The following MOV10L1 variants were observed in gnomAD, a reference collection of about 807,000 sequenced individuals.
MOV10L1 encodes RNA helicase Mov10l1.
Under a neutral mutation model 143.8 loss-of-function variants are expected in MOV10L1, and 110 were observed. The ratio of observed to expected loss-of-function variants is 0.76; its 90% CI spans 0.66 to 0.90. MOV10L1 has a LOEUF of 0.90. Among genes scored for constraint, MOV10L1 ranks in the 40% least tolerant of loss-of-function variants. The pLI is 0.00. For missense variants in MOV10L1, 1,406 were observed against 1,526.8 expected (o/e 0.92, Z 1.32); for synonymous variants, 593 against 581.1 (o/e 1.02, Z -0.29).
At position 50,134,737 on chromosome 22, in the gene MOV10L1, G is replaced by A. The variant is rs184011991; in HGVS notation, c.2070+107G>A. ...GCGTGACTGTCTCTACACAGGGGAT[G>A]GCTCAGCGATGTAACTGTCTACACA... On this transcript the variant is annotated intron_variant, in intron 15 of 26. Coordinates refer to ENST00000262794, the MANE Select transcript of MOV10L1 (RefSeq NM_018995.3). The A allele has an allele frequency of 2.9e-5, 27 of 931,428 alleles. No individual in the cohort carries two copies. The Admixed American group carries it at 3.8e-4, about 13-fold the overall frequency. The allele number at this position is 931,428 out of a possible 1,614,324, so 57.7% of individuals were successfully genotyped here. A position where few individuals can be genotyped will look rare whatever the true frequency, so the allele number is the denominator to read the frequency against.
intron 10 of MOV10L1, among the ~76,000 whole-genome samples, chr22:50,121,768 G>A (rs1016628274): frequency 6.6e-6 from 1 of 152,128 alleles, no homozygotes; most frequent in Admixed American, 6.5e-5. Flanking sequence ...TGGGCTTGGA[G>A]GGTGCTCCTC....
chr22:50,090,319 C>A, intron 1 of MOV10L1, 134 bp downstream of exon 1: 2 of 1,471,228 alleles, frequency 1.4e-6, no homozygotes, highest in Non-Finnish European at 1.8e-6. Flanking sequence ...CTCATCTCCG[C>A]TGGCGGGGAT....
chr22:50,115,024 G>C (rs1254772826), intron 7 of MOV10L1, 90 bp from the exon 8 acceptor site: 7 of 1,365,916 alleles, frequency 5.1e-6, no homozygotes, highest in Non-Finnish European at 6.0e-6. Flanking sequence ...TTGTGTGTGT[G>C]AGAGAGTATT....
chr22:50,090,397 G>A, intron 1 of MOV10L1: 1 of 1,562,514 alleles, frequency 6.4e-7, no homozygotes, highest in Non-Finnish European at 8.7e-7. Flanking sequence ...TCCTCTGTGA[G>A]GTCTCTCCGG....
chr22:50,113,834 T>G, intron 6 of MOV10L1, 46 bp downstream of exon 6: 1 of 1,483,054 alleles, frequency 6.7e-7, no homozygotes, highest in Non-Finnish European at 9.0e-7. Context: ...CATTAATGGC[T>G]TTTACACTAT....
intron 13 of MOV10L1, among the ~76,000 whole-genome samples, chr22:50,132,893 G>A (rs560641787): frequency 6.6e-5 from 10 of 152,148 alleles, no homozygotes; most frequent in Non-Finnish European, 1.3e-4. Flanking sequence ...ATAATCAGCC[G>A]GGCGTGGTAG....
intron 4 of MOV10L1, 131 bp downstream of exon 4, chr22:50,108,379 G>T (rs113784244): frequency 2.2e-6 from 2 of 890,870 alleles, no homozygotes. Flanking sequence ...GGCCAAAGAG[G>T]AGTGTGTTTT....
At chr22:50,106,212 C>T (rs2061861207) in intron 3 of MOV10L1, among the ~76,000 whole-genome samples, 1 of 151,960 alleles carries the variant, frequency 6.6e-6, no homozygotes, top group South Asian at 2.1e-4. Context: ...GGCTGGAGTG[C>T]AGTGGCACAA....
At chr22:50,120,746 A>G in intron 10 of MOV10L1, 130 bp downstream of exon 10, 1 of 683,682 alleles carries the variant, frequency 1.5e-6, no homozygotes. Context: ...AGCTGGGATA[A>G]CGAGGGTCAC....
rs1009274335 is a variant in MOV10L1 at position 50,090,151 on chromosome 22, G to A, written c.63G>A (p.Glu21=). 32 of 1,422,528 alleles carry A rather than the reference G, an allele frequency of 2.2e-5. No homozygotes were observed. In the African/African-American group the frequency reaches 4.7e-4, roughly 21 times the overall value. 88.1% of individuals were successfully genotyped at this position (1,422,528 alleles called of 1,614,324 possible). Residue 21 remains glutamate, a synonymous_variant, in exon 1 of 27, where the codon GAG becomes GAA. Coordinates refer to ENST00000262794, the MANE Select transcript of MOV10L1 (RefSeq NM_018995.3). The stretch of plus-strand genomic sequence containing the variant: ...GGAGGACGGCGGACACCCCTAGGGA[G>A]GAAGCCGGGCAGCTGGAGCCCGAGC... The part of the protein sequence containing the change: ...FFWRTADTPR[E]EAGQLEPELA...
chr22:50,098,982 G>A (rs1256739119), intron 2 of MOV10L1, among the ~76,000 whole-genome samples: 1 of 152,160 alleles, frequency 6.6e-6, no homozygotes, highest in African/African-American at 2.4e-5. Context: ...TTCATATGTT[G>A]AAACACTTTT....
intron 22 of MOV10L1, among the ~76,000 whole-genome samples, chr22:50,157,676 G>A (rs76682367): frequency 0.027 from 3,971 of 148,146 alleles, 84 homozygotes; most frequent in Non-Finnish European, 0.041. Flanking sequence ...CTATATGTCT[G>A]TCTTTTATGT....
intron 8 of MOV10L1, 55 bp downstream of exon 8, chr22:50,115,301 T>C (rs2062140965): frequency 6.9e-7 from 1 of 1,439,458 alleles, no homozygotes; most frequent in Non-Finnish European, 9.1e-7. Flanking sequence ...CTGATACTTC[T>C]AGGTTGGGTG....
chr22:50,101,524 T>G (rs941327090), intron 3 of MOV10L1, among the ~76,000 whole-genome samples: 1 of 151,608 alleles, frequency 6.6e-6, no homozygotes, highest in African/African-American at 2.4e-5. Context: ...TTTTGTTTTT[T>G]TTTTCTTTGT....
At chr22:50,144,631 A>C (rs185231385) in intron 18 of MOV10L1, among the ~76,000 whole-genome samples, 1 of 150,578 alleles carries the variant, frequency 6.6e-6, no homozygotes, top group African/African-American at 2.5e-5. Flanking sequence ...GCCCAGGCTG[A>C]AGTGCAGTGG....
At chr22:50,142,934 T>A in intron 16 of MOV10L1, 109 bp from the exon 17 acceptor site, 1 of 972,526 alleles carries the variant, frequency 1.0e-6, no homozygotes, top group Non-Finnish European at 1.6e-6. Context: ...TCTGTGACTC[T>A]GATTTAGCCT....
chr22:50,090,081 C>G lies in MOV10L1; in HGVS notation c.-8C>G, dbSNP rs570467047. 7 of 1,289,686 alleles carry G rather than the reference C, an allele frequency of 5.4e-6. No individual in the cohort carries two copies. The South Asian group carries it at 1.2e-4, about 23-fold the overall frequency. The allele number at this position is 1,289,686 out of a possible 1,614,324, so 79.9% of individuals were successfully genotyped here. On this transcript the variant is annotated 5_prime_UTR_variant, in exon 1 of 27. Coordinates refer to ENST00000262794, the MANE Select transcript of MOV10L1 (RefSeq NM_018995.3). ...GGCGGTGACGGCAGCCTAGGCCGGG[C>G]GAGGGCCATGCTGAGCCTCGCAGCC...
At chr22:50,098,212 A>AAGT (rs1569268399) in intron 2 of MOV10L1, among the ~76,000 whole-genome samples, 85 of 148,608 alleles carry the variant, frequency 5.7e-4, no homozygotes, top group African/African-American at 2.0e-3. Context: ...TCTTAATAAT[A>AAGT]ATTAAGTATT....
chr22:50,115,596 C>A (rs1001508100), intron 8 of MOV10L1, among the ~76,000 whole-genome samples: 2 of 152,062 alleles, frequency 1.3e-5, no homozygotes, highest in African/African-American at 4.8e-5. Context: ...TGACAGAATC[C>A]TAAGAAAAAG....
Sources: allele counts gnomAD v4.1 joint callset (sites outside exome capture counted in the v4.1 genomes callset), GRCh38; gene constraint gnomAD v4.1.1; transcripts MANE v1.5; gene names NCBI Gene and HGNC (gene_info 2026-07-23, HGNC 2026-07-21).